The following CLYBL variants were observed in gnomAD, a reference collection of about 807,000 sequenced individuals.
CLYBL encodes citramalyl-CoA lyase, also known as citramalyl-CoA lyase, mitochondrial.
A neutral mutation model predicts 38.9 loss-of-function variants in CLYBL; 31 were observed. That is an observed-to-expected ratio of 0.80 (90% CI 0.60 to 1.08). CLYBL has a LOEUF of 1.08. Among genes scored for constraint, CLYBL ranks in the 50% least tolerant of loss-of-function variants. The probability of loss-of-function intolerance (pLI) is 0.00; values close to 1 mark genes in which losing one functional copy is unlikely to be tolerated. For missense variants in CLYBL, 434 were observed against 411.6 expected, an observed-to-expected ratio of 1.05 and a Z score of -0.47; for synonymous variants, 171 against 158.6, an observed-to-expected ratio of 1.08 and a Z score of -0.59.
At chr13:99,803,971 A>T (rs1386373247) in intron 2 of CLYBL, among the ~76,000 whole-genome samples, 2 of 152,198 alleles carry the variant, frequency 1.3e-5, no homozygotes, top group African/African-American at 4.8e-5. Context: ...GAACTAGAGA[A>T]CAAGAAACAG....
intron 1 of CLYBL, among the ~76,000 whole-genome samples, chr13:99,639,289 G>A (rs2139261819): frequency 6.6e-6 from 1 of 152,304 alleles, no homozygotes; most frequent in Middle Eastern, 3.4e-3. Flanking sequence ...TGGACACGCA[G>A]CATGGTCATT....
intron 1 of CLYBL, among the ~76,000 whole-genome samples, chr13:99,625,876 A>C (rs1008284884): frequency 6.6e-6 from 1 of 152,216 alleles, no homozygotes; most frequent in African/African-American, 2.4e-5. Flanking sequence ...ACATTTCCTG[A>C]GGATCTTTGC....
At chr13:99,808,823 A>G (rs1365022070) in intron 2 of CLYBL, among the ~76,000 whole-genome samples, 2 of 152,254 alleles carry the variant, frequency 1.3e-5, no homozygotes, top group Admixed American at 6.5e-5. Flanking sequence ...GATCTTTTCC[A>G]TGTTGAAAAG....
chr13:99,657,743 A>G lies in CLYBL; in HGVS notation c.62+50986A>G, dbSNP rs567259171. ...TTGCATACATTTTATACTGCAAGTT[A>G]CAATGTGAAGGGCCTTTGAAGCACT... On this transcript the variant is annotated intron_variant, in intron 1 of 8. Transcript: ENST00000339105. Among the ~76,000 whole-genome samples the G allele has an allele frequency of 1.8e-4, 28 of 152,318 alleles. No homozygotes were observed. The South Asian group carries it at 5.4e-3, about 29-fold the overall frequency.
At chr13:99,767,324 G>T (rs1340988789) in intron 1 of CLYBL, among the ~76,000 whole-genome samples, 1 of 151,980 alleles carries the variant, frequency 6.6e-6, no homozygotes, top group African/African-American at 2.4e-5. Flanking sequence ...TTATTTTTCT[G>T]TTGGGGAGGG....
chr13:99,823,870 A>G (rs1057511258), intron 2 of CLYBL, among the ~76,000 whole-genome samples: 1 of 152,166 alleles, frequency 6.6e-6, no homozygotes, highest in Non-Finnish European at 1.5e-5. Context: ...CTGCCCAGTA[A>G]ATCGTTCTGG....
intron 2 of CLYBL, among the ~76,000 whole-genome samples, chr13:99,852,117 T>C (rs2051346961): frequency 1.3e-5 from 2 of 152,208 alleles, no homozygotes; most frequent in Admixed American, 1.3e-4. Context: ...CATTTATACA[T>C]TCCAGAATAA....
intron 1 of CLYBL, among the ~76,000 whole-genome samples, chr13:99,722,115 C>T (rs2139532198): frequency 6.6e-6 from 1 of 152,352 alleles, no homozygotes; most frequent in Non-Finnish European, 1.5e-5. Context: ...CAAGCCAGAC[C>T]TCAGGCCTCC....
rs142457980 is a variant in CLYBL, at chr13:99,857,898, A to T, written c.250-963A>T. Among the ~76,000 whole-genome samples, 187 of 152,240 alleles carry T rather than the reference A, an allele frequency of 1.2e-3. 4 individuals carry two copies. The East Asian group carries it at 0.035, about 28-fold the overall frequency. On this transcript the variant is annotated intron_variant, in intron 2 of 8. Transcript: ENST00000339105. Reference sequence around the variant, plus strand: ...ATAAAAACCCTTCCCAAATGAAACTACTTTTGATAAGTGTTCATTCTGACA... The same window carrying T: ...ATAAAAACCCTTCCCAAATGAAACTTCTTTTGATAAGTGTTCATTCTGACA...
chr13:99,901,143 T>C (rs898492510), downstream of CLYBL, among the ~76,000 whole-genome samples: 1 of 152,202 alleles, frequency 6.6e-6, no homozygotes, highest in Non-Finnish European at 1.5e-5. Context: ...AGCGCCATGC[T>C]GAGCTGGCTC....
chr13:99,820,277 TA>T (rs1594203176), intron 2 of CLYBL, among the ~76,000 whole-genome samples: 1 of 152,174 alleles, frequency 6.6e-6, no homozygotes, highest in East Asian at 1.9e-4. Flanking sequence ...GAGGAGTGTC[TA>T]GGGGGCAGTG....
intron 1 of CLYBL, among the ~76,000 whole-genome samples, chr13:99,608,847 C>CTTTTTTTTTTTTTTTTTTT (rs57961216): frequency 5.7e-5 from 5 of 87,876 alleles, no homozygotes; most frequent in East Asian, 6.2e-4. Context: ...AGTGATGAGT[C>CTTTTTTTTTTTTTTTTTTT]TTTTTTTTTT....
intron 1 of CLYBL, among the ~76,000 whole-genome samples, chr13:99,625,022 C>T (rs1028495708): frequency 2.0e-5 from 3 of 152,222 alleles, no homozygotes; most frequent in African/African-American, 4.8e-5. Flanking sequence ...AAAGTGTGGA[C>T]TCATAGGCTC....
At chr13:99,642,164 G>T (rs1302443403) in intron 1 of CLYBL, among the ~76,000 whole-genome samples, 1 of 152,156 alleles carries the variant, frequency 6.6e-6, no homozygotes, top group Admixed American at 6.5e-5. Context: ...GCTGTGGGTA[G>T]ATTTGGCTGG....
downstream of CLYBL, chr13:99,895,472 G>A (rs2052563073): frequency 6.6e-6 from 1 of 152,110 alleles, no homozygotes; most frequent in Admixed American, 6.5e-5. Context: ...TTCGCGGGGA[G>A]GCGGGAGGCA....
intron 2 of CLYBL, among the ~76,000 whole-genome samples, chr13:99,775,706 G>A (rs2049497433): frequency 6.6e-6 from 1 of 152,014 alleles, no homozygotes; most frequent in African/African-American, 2.4e-5. Context: ...ATAGGGTCTT[G>A]CTGTGTTGCC....
chr13:99,716,762 C>T (rs1302105569), intron 1 of CLYBL, among the ~76,000 whole-genome samples: 1 of 148,816 alleles, frequency 6.7e-6, no homozygotes, highest in Non-Finnish European at 1.5e-5. Context: ...GAAACTTTCC[C>T]TCTTACTTTA....
intron 2 of CLYBL, among the ~76,000 whole-genome samples, chr13:99,776,357 G>A (rs953498525): frequency 4.0e-5 from 6 of 150,768 alleles, no homozygotes; most frequent in African/African-American, 1.5e-4. Flanking sequence ...TCAGCCAGGA[G>A]TGGTGGCACA....
intron 2 of CLYBL, among the ~76,000 whole-genome samples, chr13:99,838,221 C>G (rs1186270583): frequency 6.6e-6 from 1 of 152,020 alleles, no homozygotes; most frequent in Admixed American, 6.5e-5. Flanking sequence ...ATACTCAAAA[C>G]ATTAGATATT....
Sources: gnomAD v4.1 joint callset for allele counts (sites outside exome capture counted in the v4.1 genomes callset) on GRCh38, gnomAD v4.1.1 for gene constraint, MANE v1.5 for transcripts, NCBI Gene and HGNC (gene_info 2026-07-23, HGNC 2026-07-21) for gene names.